Variants in DLGAP2 observed in about 807,000 individuals in gnomAD.
DLGAP2 encodes the protein DLG associated protein 2.
Under a neutral mutation model 100.3 loss-of-function variants are expected in DLGAP2, and 26 were observed. That is an observed-to-expected ratio of 0.26 (90% CI 0.19 to 0.36). The LOEUF (loss-of-function observed/expected upper bound fraction) is 0.36, where lower values mean the gene tolerates loss of function less well. Ranked by LOEUF, DLGAP2 falls within the 10% of genes least tolerant of loss-of-function variation. The pLI is 1.00. For synonymous variants in DLGAP2, 886 were observed against 630.1 expected, an observed-to-expected ratio of 1.41 and a Z score of -6.08; for missense variants, 1,858 against 1,453.2, an observed-to-expected ratio of 1.28 and a Z score of -4.53.
intron 1 of DLGAP2, among the ~76,000 whole-genome samples, chr8:889,221 C>A (rs939363454): frequency 1.3e-5 from 2 of 152,154 alleles, no homozygotes; most frequent in African/African-American, 4.8e-5. Flanking sequence ...CAGGAACCGG[C>A]CATGTGGATG....
At chr8:915,858 A>C in intron 2 of DLGAP2, among the ~76,000 whole-genome samples, 1 of 144,954 alleles carries the variant, frequency 6.9e-6, no homozygotes, top group Non-Finnish European at 1.5e-5. Context: ...CCATCAGTTC[A>C]CCCGTCCGTC....
At chr8:1,212,529 CAG>C (rs1798125900) in intron 2 of DLGAP2, among the ~76,000 whole-genome samples, 1 of 152,144 alleles carries the variant, frequency 6.6e-6, no homozygotes, top group Non-Finnish European at 1.5e-5. Context: ...GATGAAATCT[CAG>C]TGTCCACACA....
intron 2 of DLGAP2, among the ~76,000 whole-genome samples, chr8:1,132,313 A>G (rs922788746): frequency 1.3e-5 from 2 of 152,226 alleles, no homozygotes; most frequent in Non-Finnish European, 2.9e-5. Flanking sequence ...AGCCTGAGAT[A>G]AAAACTAGAC....
intron 2 of DLGAP2, among the ~76,000 whole-genome samples, chr8:1,256,099 CTG>C (rs1405499651): frequency 8.1e-6 from 1 of 123,078 alleles, no homozygotes; most frequent in Non-Finnish European, 1.6e-5. Flanking sequence ...TGCCCGGGCG[CTG>C]TGTGTGTGTC....
chr8:1,631,816 G>A (rs922738487), intron 7 of DLGAP2, among the ~76,000 whole-genome samples: 2 of 152,208 alleles, frequency 1.3e-5, no homozygotes, highest in African/African-American at 4.8e-5. Flanking sequence ...AAGTCCACAG[G>A]TCTGAACTTG....
intron 2 of DLGAP2, among the ~76,000 whole-genome samples, chr8:1,062,515 C>T (rs1215906379): frequency 1.3e-5 from 2 of 152,208 alleles, no homozygotes; most frequent in African/African-American, 4.8e-5. Context: ...TCATTTCTGA[C>T]TTTCTGTACC....
intron 1 of DLGAP2, among the ~76,000 whole-genome samples, chr8:892,188 C>T (rs57528984): frequency 0.01 from 1,596 of 152,212 alleles, 26 homozygotes; most frequent in African/African-American, 0.035. Context: ...GTGACCCAGC[C>T]GTTCCCCTCC....
At chr8:989,924 G>C (rs1229091176) in intron 2 of DLGAP2, among the ~76,000 whole-genome samples, 3 of 152,034 alleles carry the variant, frequency 2.0e-5, no homozygotes, top group Non-Finnish European at 2.9e-5. Flanking sequence ...ATTGTAATTT[G>C]CATGCAGTGA....
intron 2 of DLGAP2, among the ~76,000 whole-genome samples, chr8:947,055 C>T (rs76768528): frequency 0.019 from 2,946 of 152,296 alleles, 110 homozygotes; most frequent in African/African-American, 0.067. Flanking sequence ...CCCAGGAAGG[C>T]GCCTCCCAAG....
intron 2 of DLGAP2, among the ~76,000 whole-genome samples, chr8:914,306 C>T (rs943104257): frequency 1.3e-5 from 2 of 152,182 alleles, no homozygotes; most frequent in Admixed American, 6.5e-5. Flanking sequence ...TGGGCTGGGG[C>T]GCTCTTTTCC....
intron 2 of DLGAP2, among the ~76,000 whole-genome samples, chr8:1,083,868 C>T (rs1465845903): frequency 6.6e-6 from 1 of 152,158 alleles, no homozygotes; most frequent in Non-Finnish European, 1.5e-5. Context: ...GAAAGTGACT[C>T]ATGTGTCTAA....
chr8:1,535,121 G>A (rs1238689346), intron 4 of DLGAP2, among the ~76,000 whole-genome samples: 2 of 152,224 alleles, frequency 1.3e-5, no homozygotes, highest in Non-Finnish European at 2.9e-5. Flanking sequence ...AGGGAGGCAG[G>A]CCCTGTCTCA....
At chr8:1,518,015 T>C (rs1800454620) in intron 4 of DLGAP2, among the ~76,000 whole-genome samples, 1 of 152,348 alleles carries the variant, frequency 6.6e-6, no homozygotes, top group African/African-American at 2.4e-5. Flanking sequence ...GACTATTTTG[T>C]TGAAATGACA....
intron 2 of DLGAP2, among the ~76,000 whole-genome samples, chr8:922,103 T>G (rs1249293927): frequency 6.6e-6 from 1 of 152,242 alleles, no homozygotes; most frequent in African/African-American, 2.4e-5. Flanking sequence ...GCTCCTTGTT[T>G]CTTGCAGCAA....
At chr8:859,294 T>C (rs1797344840) in intron 1 of DLGAP2, among the ~76,000 whole-genome samples, 1 of 152,160 alleles carries the variant, frequency 6.6e-6, no homozygotes, top group Non-Finnish European at 1.5e-5. Flanking sequence ...GTGCTTTTAA[T>C]ATAGGCAGGG....
At chr8:1,094,080 CGGAGGGCAGCTCTGTGGTGGAT>C (rs1804287186) in intron 2 of DLGAP2, among the ~76,000 whole-genome samples, 1 of 138,374 alleles carries the variant, frequency 7.2e-6, no homozygotes, top group South Asian at 2.3e-4. Context: ...GCGAGGTGGG[CGGAGGGCAGCTCTGTGGTGGAT>C]GGAGGGCAGC....
intron 10 of DLGAP2, among the ~76,000 whole-genome samples, chr8:1,675,583 C>G (rs1798793111): frequency 6.6e-6 from 1 of 152,246 alleles, no homozygotes; most frequent in Non-Finnish European, 1.5e-5. Flanking sequence ...GCTCCTCTCT[C>G]TTGCCTCACA....
intron 4 of DLGAP2, among the ~76,000 whole-genome samples, chr8:1,510,793 A>C (rs1800134924): frequency 6.6e-6 from 1 of 152,222 alleles, no homozygotes; most frequent in African/African-American, 2.4e-5. Context: ...CTAAAATATT[A>C]TATGTCCAAG....
At chr8:968,197 A>G (rs1372453042) in intron 2 of DLGAP2, among the ~76,000 whole-genome samples, 1 of 152,102 alleles carries the variant, frequency 6.6e-6, no homozygotes, top group Non-Finnish European at 1.5e-5. Flanking sequence ...TTTACTGAAT[A>G]CAAGCCACAT....
Sources: allele counts gnomAD v4.1 joint callset (sites outside exome capture counted in the v4.1 genomes callset), GRCh38; gene constraint gnomAD v4.1.1; transcripts MANE v1.5; gene names NCBI Gene and HGNC (gene_info 2026-07-23, HGNC 2026-07-21).